Variants in DNAJC6 observed in about 807,000 individuals in gnomAD.
DNAJC6 encodes DnaJ heat shock protein family (Hsp40) member C6.
In DNAJC6, 34 loss-of-function variants were observed where a neutral mutation model predicts 110.0. The ratio of observed to expected loss-of-function variants is 0.31; its 90% CI spans 0.24 to 0.41. The LOEUF (loss-of-function observed/expected upper bound fraction) is 0.41, where lower values mean the gene tolerates loss of function less well. DNAJC6 is among the 10% of genes least tolerant of loss of function. The pLI is 1.00. For missense variants in DNAJC6, 1,031 were observed against 1,207.8 expected, an observed-to-expected ratio of 0.85 and a Z score of 2.17; for synonymous variants, 406 against 437.2, an observed-to-expected ratio of 0.93 and a Z score of 0.89.
At chr1:65,324,042 A>G (rs1223132772) in intron 1 of DNAJC6, among the ~76,000 whole-genome samples, 2 of 152,214 alleles carry the variant, frequency 1.3e-5, no homozygotes, top group Non-Finnish European at 2.9e-5. Context: ...GAAGTAAGGC[A>G]GTGTTGAGAA....
In DNAJC6 at chr1:65,388,217, G is replaced by A. The variant is rs143700520; in HGVS notation, c.1114-119G>A. 561 of 866,952 alleles carry A rather than the reference G, an allele frequency of 6.5e-4. 5 individuals carry two copies. In the African/African-American group the frequency reaches 7.6e-3, roughly 12 times the overall value. The allele number at this position is 866,952 out of a possible 1,614,324, so 53.7% of individuals were successfully genotyped here. A position where few individuals can be genotyped will look rare whatever the true frequency, so the allele number is the denominator to read the frequency against. ...CTGGGGAGGTCATTTAATATCCATA[G>A]TAAACACAAATTCAGATATTGAAAC... On this transcript the variant is annotated intron_variant, in intron 8 of 18. Transcript: ENST00000371069.
rs1225868151 is a variant in DNAJC6 at position 65,414,495 on chromosome 1, T to TTTTTTG, written c.*1481_*1486dup. The stretch of plus-strand genomic sequence containing the variant: ...AAAAGTTGTTTTGAAAAGACAATCA[T>TTTTTTG]TTTTTGTTTTTGTTTTAACTTTCTT... On this transcript the variant is annotated 3_prime_UTR_variant, in exon 19 of 19. Transcript: ENST00000371069. 1 of 152,636 alleles carries TTTTTTG rather than the reference T, an allele frequency of 6.6e-6. No homozygotes were observed. The highest frequency in any genetic ancestry group is 1.5e-5 in the Non-Finnish European group (1 of 68,020). 9.5% of individuals were successfully genotyped at this position (152,636 alleles called of 1,614,324 possible).
At chr1:65,271,887 A>G (rs1653518643) in intron 1 of DNAJC6, among the ~76,000 whole-genome samples, 1 of 151,408 alleles carries the variant, frequency 6.6e-6, no homozygotes, top group Non-Finnish European at 1.5e-5. Flanking sequence ...AAAAAAAAAG[A>G]AAGAAATAGA....
At chr1:65,390,412 C>T (rs1009817154) in intron 11 of DNAJC6, among the ~76,000 whole-genome samples, 25 of 152,188 alleles carry the variant, frequency 1.6e-4, no homozygotes, top group African/African-American at 6.0e-4. Context: ...CTTTAACAGC[C>T]ATACCAGAAA....
At chr1:65,322,654 G>A (rs12029665) in intron 1 of DNAJC6, among the ~76,000 whole-genome samples, 17,320 of 152,168 alleles carry the variant, frequency 0.11, 1,295 homozygotes, top group East Asian at 0.26. Flanking sequence ...AAGAACATAT[G>A]CAGTTCACAT....
intron 1 of DNAJC6, among the ~76,000 whole-genome samples, chr1:65,345,279 T>A (rs1645426925): frequency 6.6e-6 from 1 of 151,090 alleles, no homozygotes; most frequent in South Asian, 2.1e-4. Flanking sequence ...TTTTGCCCAT[T>A]AGGATCTCCT....
intron 1 of DNAJC6, chr1:65,279,316 G>A (rs1472249642): frequency 3.6e-6 from 1 of 280,318 alleles, no homozygotes; most frequent in Non-Finnish European, 5.4e-6. Context: ...GCTCTTTAGA[G>A]AGGTAGCTGC....
rs1645867171 is a variant in DNAJC6, at chr1:65,385,902, A to G, written c.991A>G (p.Met331Val). ...TTCGACTTGCACAGATTTTGAACGA[A>G]TGAAGTAAGTCATGATACTTTACTT... ...IYSTCTDFER[M>V]KEYRVQDGKI... The change falls in exon 7 of 19, where the codon ATG (methionine) becomes GTG (valine). Residue 331 changes from methionine (M) to valine (V), a missense_variant. Transcript: ENST00000371069. 1.2e-6 allele frequency: 2 copies of G among 1,600,420 alleles called. No individual in the cohort carries two copies. Among genetic ancestry groups the G allele is most frequent in the Non-Finnish European group, 1.7e-6 (2 of 1,169,368 alleles).
chr1:65,363,745 C>T (rs908927999), intron 1 of DNAJC6, among the ~76,000 whole-genome samples: 38 of 151,976 alleles, frequency 2.5e-4, no homozygotes, highest in Admixed American at 1.3e-4. Context: ...CCTCAAAACA[C>T]GCACAATAAA....
intron 1 of DNAJC6, among the ~76,000 whole-genome samples, chr1:65,268,657 C>T (rs1245242401): frequency 6.6e-6 from 1 of 152,100 alleles, no homozygotes; most frequent in Non-Finnish European, 1.5e-5. Context: ...TAGGCAAGTA[C>T]TTGAAAATAA....
intron 1 of DNAJC6, among the ~76,000 whole-genome samples, chr1:65,275,071 T>C (rs1286997990): frequency 6.6e-6 from 1 of 152,210 alleles, no homozygotes; most frequent in Non-Finnish European, 1.5e-5. Flanking sequence ...GTATTTTGTT[T>C]TAATTATACA....
chr1:65,411,521 C>A, intron 18 of DNAJC6, 95 bp downstream of exon 18: 1 of 1,184,366 alleles, frequency 8.4e-7, no homozygotes, highest in Non-Finnish European at 1.2e-6. Context: ...GTTCATATGG[C>A]CTATTTTTAA....
At chr1:65,391,333 C>T (rs1645923677) in intron 11 of DNAJC6, among the ~76,000 whole-genome samples, 2 of 152,056 alleles carry the variant, frequency 1.3e-5, no homozygotes, top group African/African-American at 4.8e-5. Context: ...GATGTGGATC[C>T]ATACTTGACT....
At chr1:65,328,032 G>T (rs1413665972) in intron 1 of DNAJC6, among the ~76,000 whole-genome samples, 4 of 152,148 alleles carry the variant, frequency 2.6e-5, no homozygotes, top group African/African-American at 4.8e-5. Context: ...TTTTTAATAT[G>T]ATGGGAAGAT....
upstream of DNAJC6, among the ~76,000 whole-genome samples, chr1:65,304,781 GC>G (rs1486316962): frequency 6.6e-6 from 1 of 152,178 alleles, no homozygotes; most frequent in African/African-American, 2.4e-5. Flanking sequence ...GCCTGCAAGG[GC>G]TAACTGGTAA....
rs1453709743 is a variant in DNAJC6, at chr1:65,405,984, A to G, written c.2342A>G (p.Gln781Arg). 2.5e-6 allele frequency: 4 copies of G among 1,614,102 alleles called. No homozygotes were observed. Among genetic ancestry groups the G allele is most frequent in the Non-Finnish European group, 2.5e-6 (3 of 1,180,042 alleles). ...CAGCCTATGGGTGGCGGGTGGCAGC[A>G]GGGAGGTGCCTACAACTGGCAGCAG... ...SPQPMGGGWQ[Q>R]GGAYNWQQPQ... Residue 781 changes from glutamine to arginine, a missense_variant, in exon 16 of 19, where the codon CAG becomes CGG. Gln to Arg is a conservative substitution (Grantham distance 43). Coordinates refer to ENST00000371069, the MANE Select transcript of DNAJC6 (RefSeq NM_001256864.2).
chr1:65,387,104 T>C (rs764545045), intron 8 of DNAJC6, among the ~76,000 whole-genome samples, 175 bp downstream of exon 8: 7 of 152,180 alleles, frequency 4.6e-5, no homozygotes, highest in Non-Finnish European at 1.0e-4. Flanking sequence ...GAACTGAGAC[T>C]CAAAGAGGTT....
chr1:65,383,427 G>C (rs1164778729), intron 5 of DNAJC6, among the ~76,000 whole-genome samples: 1 of 152,154 alleles, frequency 6.6e-6, no homozygotes, highest in Non-Finnish European at 1.5e-5. Flanking sequence ...CAAAGTGCTG[G>C]GATTACAGAC....
At chr1:65,351,045 C>T (rs72679471) in intron 1 of DNAJC6, among the ~76,000 whole-genome samples, 5,960 of 152,294 alleles carry the variant, frequency 0.039, 160 homozygotes, top group Middle Eastern at 0.075. Flanking sequence ...CACTGTGCCT[C>T]TCCCTATTTT....
Sources: allele counts gnomAD v4.1 joint callset (sites outside exome capture counted in the v4.1 genomes callset), GRCh38; gene constraint gnomAD v4.1.1; transcripts MANE v1.5; gene names NCBI Gene and HGNC (gene_info 2026-07-23, HGNC 2026-07-21).